Variants in PRR14L observed in about 807,000 individuals in gnomAD.
The protein encoded by PRR14L is protein PRR14L.
In PRR14L, 80 loss-of-function variants were observed where a neutral mutation model predicts 155.0. That is an observed-to-expected ratio of 0.52 (90% CI 0.43 to 0.62). PRR14L has a LOEUF of 0.62. Among genes scored for constraint, PRR14L ranks in the 20% least tolerant of loss-of-function variants. The pLI is 0.00. For synonymous variants in PRR14L, 883 were observed against 916.0 expected (o/e 0.96, Z 0.65); for missense variants, 2,469 against 2,548.0 (o/e 0.97, Z 0.67).
At chr22:31,687,356 CT>C (rs528409088) in intron 8 of PRR14L, among the ~76,000 whole-genome samples, 2,205 of 126,096 alleles carry the variant, frequency 0.017, 50 homozygotes, top group African/African-American at 0.059. Context: ...TTTCTTTCTT[CT>C]TTTTTTTTTT....
chr22:31,748,733 GGAA>G (rs753137049), intron 1 of PRR14L, among the ~76,000 whole-genome samples: 15 of 152,304 alleles, frequency 9.8e-5, no homozygotes, highest in Non-Finnish European at 1.9e-4. Flanking sequence ...TAACCAGTCA[GGAA>G]GAAGTGATAC....
At chr22:31,749,707 G>A (rs1222780397) in intron 1 of PRR14L, among the ~76,000 whole-genome samples, 1 of 152,216 alleles carries the variant, frequency 6.6e-6, no homozygotes. Context: ...CCTCTCCGAG[G>A]AGATAAGTTG....
chr22:31,692,584 G>A (rs1289272167), intron 7 of PRR14L, among the ~76,000 whole-genome samples: 1 of 152,150 alleles, frequency 6.6e-6, no homozygotes, highest in Non-Finnish European at 1.5e-5. Flanking sequence ...CTTATTAGAT[G>A]TGTGATTTGC....
intron 3 of PRR14L, among the ~76,000 whole-genome samples, chr22:31,718,494 T>G (rs146520781): frequency 5.1e-4 from 73 of 144,434 alleles, no homozygotes; most frequent in African/African-American, 1.8e-3. Flanking sequence ...GACCTCATGA[T>G]CCGCCCACCT....
rs114583435 is a variant in PRR14L, at chr22:31,688,270, C to T, written c.6108-43G>A. ...AAAAAATTCTTCAGGTTCTCTCTCT[C>T]TTTTTTTTTTCAGAGAAGGTCTTGC... On this transcript the variant is annotated intron_variant, in intron 7 of 8. Coordinates refer to ENST00000327423, the MANE Select transcript of PRR14L (RefSeq NM_173566.3). The T allele has an allele frequency of 2.9e-3, 3,916 of 1,345,892 alleles. 72 individuals are homozygous for T. In the African/African-American group the frequency reaches 0.054, roughly 18 times the overall value. 83.4% of individuals were successfully genotyped at this position (1,345,892 alleles called of 1,614,324 possible).
At position 31,703,668 on chromosome 22, in the gene PRR14L, G is replaced by A; in HGVS notation, c.5882C>T (p.Ser1961Leu). 1 of 1,611,920 alleles carries A rather than the reference G, an allele frequency of 6.2e-7. No homozygotes were observed. The highest frequency in any genetic ancestry group is 8.5e-7 in the Non-Finnish European group (1 of 1,178,810). ...LVPKSCLVAE[S>L]AVSKLLLSAS... ...TGAAAGCAGGAGCTTGCTGACAGCT[G>A]ATTCTGCTACCAAGCAAGACTTTGG... is the stretch of plus-strand genomic sequence containing the variant. The change falls in exon 6 of 9, where the codon TCA becomes TTA. Residue 1961 changes from serine to leucine, a missense_variant. Physicochemically the swap from Ser to Leu is moderately radical, Grantham distance 145 (BLOSUM62 -2). Transcript: ENST00000327423.
intron 3 of PRR14L, among the ~76,000 whole-genome samples, chr22:31,724,678 G>A (rs1238150834): frequency 6.6e-6 from 1 of 152,144 alleles, no homozygotes. Flanking sequence ...GATTACAGAC[G>A]TGAGCCACTG....
At chr22:31,744,561 C>T (rs2074828001) in intron 1 of PRR14L, among the ~76,000 whole-genome samples, 1 of 152,210 alleles carries the variant, frequency 6.6e-6, no homozygotes, top group Non-Finnish European at 1.5e-5. Context: ...GCGTGAGCCA[C>T]TGTGACTAGC....
chr22:31,696,840 C>T (rs977326954), intron 7 of PRR14L, among the ~76,000 whole-genome samples: 1 of 152,132 alleles, frequency 6.6e-6, no homozygotes, highest in African/African-American at 2.4e-5. Flanking sequence ...AGGGGCTGAG[C>T]ACGGTGGCTC....
chr22:31,703,837 GC>G, intron 5 of PRR14L, 116 bp from the exon 6 acceptor site: 1 of 612,122 alleles, frequency 1.6e-6, no homozygotes, highest in Non-Finnish European at 2.6e-6. Context: ...TGCTCTTGTT[GC>G]CCAGACTGGA....
chr22:31,689,547 T>C (rs1359539242), intron 7 of PRR14L, among the ~76,000 whole-genome samples: 1 of 152,180 alleles, frequency 6.6e-6, no homozygotes, highest in Non-Finnish European at 1.5e-5. Context: ...AGGTTATTCC[T>C]GATCACCACT....
At position 31,714,259 on chromosome 22, in the gene PRR14L, G is replaced by C; in HGVS notation, c.3580C>G (p.Gln1194Glu). The C allele has an allele frequency of 6.4e-7, 1 of 1,551,284 alleles. No individual in the cohort carries two copies. The highest frequency in any genetic ancestry group is 8.7e-7 in the Non-Finnish European group (1 of 1,146,894). ...AGTCTTGATCCTTCAGTCATTTCTT[G>C]TGTTTCTCTGAGAGATGTTCCTTTA... ...QDKGTSLRETQEMTEGSRLEP... is the reference protein window; with the variant it reads ...QDKGTSLRETEEMTEGSRLEP... Residue 1194 changes from glutamine (Q) to glutamate (E), a missense_variant, in exon 4 of 9, where the codon CAA becomes GAA. Gln to Glu is a conservative substitution (Grantham distance 29). Transcript: ENST00000327423.
At position 31,684,817 on chromosome 22, in the gene PRR14L, C is replaced by G. The variant is rs2074474304; in HGVS notation, c.*710G>C. The G allele has an allele frequency of 1.3e-5, 2 of 151,974 alleles. No individual in the cohort carries two copies. Among genetic ancestry groups the G allele is most frequent in the African/African-American group, 2.4e-5 (1 of 41,382 alleles). 9.4% of individuals were successfully genotyped at this position (151,974 alleles called of 1,614,324 possible). On this transcript the variant is annotated 3_prime_UTR_variant, in exon 9 of 9. Transcript: ENST00000327423. ...TGCAGCAATAATAGTACAAAAACAA[C>G]AACAAAAAAGAAAATAAAACAAATG...
At chr22:31,705,483 T>C (rs182642265) in intron 4 of PRR14L, among the ~76,000 whole-genome samples, 4 of 152,012 alleles carry the variant, frequency 2.6e-5, no homozygotes, top group Middle Eastern at 3.4e-3. Flanking sequence ...AAGAGATTCT[T>C]CTGCCTCAGC....
chr22:31,747,093 C>T (rs1248703916), intron 1 of PRR14L, among the ~76,000 whole-genome samples: 4 of 151,036 alleles, frequency 2.6e-5, no homozygotes. Flanking sequence ...TGTGAGCCAC[C>T]GCGCCTGACC....
At chr22:31,725,319 T>C (rs2074710631) in intron 3 of PRR14L, among the ~76,000 whole-genome samples, 1 of 152,106 alleles carries the variant, frequency 6.6e-6, no homozygotes, top group African/African-American at 2.4e-5. Context: ...GGTATGAAGA[T>C]CACTTGAGCC....
intron 3 of PRR14L, among the ~76,000 whole-genome samples, chr22:31,721,578 A>G (rs996136989): frequency 6.6e-5 from 10 of 151,556 alleles, no homozygotes; most frequent in Admixed American, 6.6e-4. Context: ...AAAAAAAAAA[A>G]GGTTCAATCT....
intron 1 of PRR14L, among the ~76,000 whole-genome samples, chr22:31,744,652 T>C (rs955247682): frequency 6.6e-5 from 10 of 152,290 alleles, no homozygotes; most frequent in Middle Eastern, 3.4e-3. Context: ...TCCCCAGCCA[T>C]AACCATATCT....
At chr22:31,702,481 A>G (rs1428914922) in intron 6 of PRR14L, among the ~76,000 whole-genome samples, 1 of 152,100 alleles carries the variant, frequency 6.6e-6, no homozygotes, top group Non-Finnish European at 1.5e-5. Context: ...TCGGCCACCC[A>G]AAGTGCTAGG....
Sources: gnomAD v4.1 joint callset for allele counts (sites outside exome capture counted in the v4.1 genomes callset) on GRCh38, gnomAD v4.1.1 for gene constraint, MANE v1.5 for transcripts, NCBI Gene and HGNC (gene_info 2026-07-23, HGNC 2026-07-21) for gene names.